Variants in CUL7 observed in about 807,000 individuals in gnomAD.
CUL7 encodes cullin-7.
In CUL7, 96 loss-of-function variants were observed where a neutral mutation model predicts 177.7. That is an observed-to-expected ratio of 0.54 (90% confidence interval 0.46 to 0.64). The LOEUF (loss-of-function observed/expected upper bound fraction) is 0.64. Among genes scored for constraint, CUL7 ranks in the 30% least tolerant of loss-of-function variants. The pLI, the probability that CUL7 is intolerant of heterozygous loss-of-function variation, is 0.00. For synonymous variants in CUL7, 824 were observed against 890.2 expected (o/e 0.93, Z 1.32); for missense variants, 1,893 against 2,187.9 (o/e 0.87, Z 2.69).
Position 43,040,558 on chromosome 6 carries a change from T to G in CUL7, c.3995A>C (p.Lys1332Thr), listed in dbSNP as rs151030955. 11 of 1,614,094 alleles carry G rather than the reference T, an allele frequency of 6.8e-6. No homozygotes were observed. The Admixed American group carries it at 1.7e-4, about 24-fold the overall frequency. ...TATTTTCTTCTCTGTATCCTCCAGC[T>G]TCAGGAGTTCCTGATCCAGCTGCTG... ...QLQQLDQELL[K>T]LEDTEKKIQV... Residue 1332 changes from lysine (K) to threonine (T), a missense_variant, in exon 21 of 26, where the codon AAG becomes ACG. Physicochemically the swap from Lys to Thr is moderately conservative, Grantham distance 78. Transcript: ENST00000265348. This position sits in a 1 kb window ranked among gnomAD's most constrained non-coding sequence, Gnocchi z 4.2.
At chr6:43,041,781 G>A (rs1419087453) in intron 19 of CUL7, among the ~76,000 whole-genome samples, 2 of 151,534 alleles carry the variant, frequency 1.3e-5, no homozygotes, top group Non-Finnish European at 3.0e-5. Flanking sequence ...TGAGGCGGGC[G>A]GATCACGAGG....
At chr6:43,042,392 T>C (rs1763516570) in intron 19 of CUL7, among the ~76,000 whole-genome samples, 1 of 152,058 alleles carries the variant, frequency 6.6e-6, no homozygotes, top group African/African-American at 2.4e-5. Flanking sequence ...TGGAGTGCAG[T>C]GGTGCAATCT....
In CUL7 at chr6:43,051,821, T is replaced by TA; in HGVS notation, c.581-59dup. On this transcript the variant is annotated intron_variant, in intron 2 of 25. Coordinates refer to ENST00000265348, the MANE Select transcript of CUL7 (RefSeq NM_014780.5). This position sits in a 1 kb window ranked among gnomAD's most constrained non-coding sequence, Gnocchi z 5.0. ...CTAATCTCACCCTTCCTAGAAATCT[T>TA]AGACCCTCTACTCTTTCAATCCAAT... The TA allele has an allele frequency of 7.6e-6, 12 of 1,586,942 alleles. No individual in the cohort carries two copies. The highest frequency in any genetic ancestry group is 1.0e-5 in the Non-Finnish European group (12 of 1,155,808).
At chr6:43,039,992 G>A (rs1763270065) in intron 22 of CUL7, among the ~76,000 whole-genome samples, 164 bp downstream of exon 22, 1 of 151,944 alleles carries the variant, frequency 6.6e-6, no homozygotes, top group Non-Finnish European at 1.5e-5. Flanking sequence ...TGCCTGCCTC[G>A]GCCTCCCAAA....
Position 43,043,343 on chromosome 6 carries a change from C to G in CUL7, c.3355+105G>C. On this transcript the variant is annotated intron_variant, in intron 17 of 25. Transcript: ENST00000265348. The surrounding 1 kb of genome is among the most constrained non-coding windows in gnomAD (Gnocchi z 4.2). ...ACCTGGAAGATGAACAGGCTGAGCC[C>G]ATAGGGAGGGGAAGGATGGGGATGG... is the stretch of plus-strand genomic sequence containing the variant. The G allele has an allele frequency of 3.1e-6, 4 of 1,285,888 alleles. No individual in the cohort carries two copies. The highest frequency in any genetic ancestry group is 4.5e-6 in the Non-Finnish European group (4 of 890,498). 79.7% of individuals were successfully genotyped at this position (1,285,888 alleles called of 1,614,324 possible). A position where few individuals can be genotyped will look rare whatever the true frequency, so the allele number is the denominator to read the frequency against.
In CUL7 at chr6:43,038,942, T is replaced by C. The variant is rs1237449803; in HGVS notation, c.4340A>G (p.Gln1447Arg). The C allele has an allele frequency of 6.2e-7, 1 of 1,613,084 alleles. No individual in the cohort carries two copies. Among genetic ancestry groups the C allele is most frequent in the African/African-American group, 1.3e-5 (1 of 74,866 alleles). The stretch of plus-strand genomic sequence containing the variant: ...CTCAGCCCAGCCCAGCCACGTCCAC[T>C]GCAGTCGCCTCTGTGAGCCTCGCTC... ...ALERGSQRRLQWTWLGWAELQ... is the reference protein window; with the variant it reads ...ALERGSQRRLRWTWLGWAELQ... Residue 1447 changes from glutamine to arginine, a missense_variant, in exon 23 of 26, where the codon CAG becomes CGG. Gln to Arg is a conservative substitution (Grantham distance 43, BLOSUM62 1). This residue lies in a region of CUL7 where 973 missense variants were observed against 1,140.9 expected (regional missense o/e 0.85). Transcript: ENST00000265348.
In CUL7 at chr6:43,050,342, G is replaced by T; in HGVS notation, c.1290C>A (p.Ile430=). The T allele has an allele frequency of 6.2e-7, 1 of 1,614,118 alleles. No homozygotes were observed. The highest frequency in any genetic ancestry group is 8.5e-7 in the Non-Finnish European group (1 of 1,180,030). The change falls in exon 5 of 26, where the codon ATC becomes ATA. Residue 430 remains isoleucine (I), a synonymous_variant. Coordinates refer to ENST00000265348, the MANE Select transcript of CUL7 (RefSeq NM_014780.5). The surrounding 1 kb of genome is among the most constrained non-coding windows in gnomAD (Gnocchi z 4.1). ...CCTCAATGTCTTCCTCAAAGCCCAA[G>T]ATCTCCAGCATGTGCCAGTGCACCC... ...TYWVHWHMLE[I]LGFEEDIEDM...
intron 16 of CUL7, 47 bp downstream of exon 16, chr6:43,044,705 G>C: frequency 1.3e-6 from 2 of 1,585,326 alleles, no homozygotes; most frequent in Non-Finnish European, 1.7e-6. Context: ...CTAATTAGTG[G>C]AACCAAGCCC....
Position 43,050,264 on chromosome 6 carries a change from AC to A in CUL7, c.1367del (p.Gly456ValfsTer12). 6.2e-7 allele frequency: 1 copy of A among 1,614,072 alleles called. No individual in the cohort carries two copies. The highest frequency in any genetic ancestry group is 8.5e-7 in the Non-Finnish European group (1 of 1,180,010). On this transcript the variant is annotated frameshift_variant, in exon 5 of 26. Coordinates refer to ENST00000265348, the MANE Select transcript of CUL7 (RefSeq NM_014780.5). LOFTEE classifies it high-confidence loss of function. This position sits in a 1 kb window ranked among gnomAD's most constrained non-coding sequence, Gnocchi z 4.1. ...TTGCTTCCTCCCTGAGCTCACCTCT[AC>A]CCAGGACTCTACTGGCCACTGCCCC... ...YQGAVASRVL[G>X]RALPAWRWRP...
At position 43,051,535 on chromosome 6, in the gene CUL7, C is replaced by T. The variant is rs1764411082; in HGVS notation, c.733-67G>A. ...TTTAAGCCCCTCTCTCCATACCATCCTCTGCAGATAGGTGCAAAGGCCTGG... is the reference window on the plus strand; with the variant it reads ...TTTAAGCCCCTCTCTCCATACCATCTTCTGCAGATAGGTGCAAAGGCCTGG... On this transcript the variant is annotated intron_variant, in intron 3 of 25. Coordinates refer to ENST00000265348, the MANE Select transcript of CUL7 (RefSeq NM_014780.5). This position sits in a 1 kb window ranked among gnomAD's most constrained non-coding sequence, Gnocchi z 5.0. 6 of 1,613,946 alleles carry T rather than the reference C, an allele frequency of 3.7e-6. No individual in the cohort carries two copies. Among genetic ancestry groups the T allele is most frequent in the Middle Eastern group, 1.6e-4 (1 of 6,062 alleles).
rs1394323004 is a variant in CUL7, at chr6:43,049,670, CAAG to C, written c.1570-11_1570-9del. 5.6e-6 allele frequency: 9 copies of C among 1,613,788 alleles called. No individual in the cohort carries two copies. The highest frequency in any genetic ancestry group is 7.6e-6 in the Non-Finnish European group (9 of 1,179,904). ...GATCTCATCATCCAGAATCTGCCAT[CAAG>C]GAGAAGCTCTCACTGCAGACAGCCC... is the stretch of plus-strand genomic sequence containing the variant. On this transcript the variant is annotated splice_polypyrimidine_tract_variant and intron_variant, in intron 6 of 25. Transcript: ENST00000265348.
In CUL7 at chr6:43,040,147, G is replaced by C; in HGVS notation, c.4294+9C>G. On this transcript the variant is annotated intron_variant, in intron 22 of 25. Coordinates refer to ENST00000265348, the MANE Select transcript of CUL7 (RefSeq NM_014780.5). The surrounding 1 kb of genome is among the most constrained non-coding windows in gnomAD (Gnocchi z 4.2). ...CCCCAGTCCCCAGTCCCTCTGCCTG[G>C]CTGCTCACTCTTGTTGTAGAAGTTG... 6.2e-7 allele frequency: 1 copy of C among 1,614,100 alleles called. No individual in the cohort carries two copies.
rs1439113794 is a variant in CUL7, at chr6:43,043,542, T to G, written c.3261A>C (p.Pro1087=). 3 of 1,613,294 alleles carry G rather than the reference T, an allele frequency of 1.9e-6. No individual in the cohort carries two copies. Among genetic ancestry groups the G allele is most frequent in the South Asian group, 1.1e-5 (1 of 90,996 alleles). The part of the protein sequence containing the change: ...EAVFNPQSRG[P]AFFSRVRRLT... The stretch of plus-strand genomic sequence containing the variant: ...GACGGCGCACCCGCGAGAAGAAAGC[T>G]GGGCCGCGGCTCTGGGGGTTGAAGA... Residue 1087 remains proline, a synonymous_variant, in exon 17 of 26, where the codon CCA becomes CCC. Transcript: ENST00000265348. This position sits in a 1 kb window ranked among gnomAD's most constrained non-coding sequence, Gnocchi z 4.2.
chr6:43,042,033 AAGAAAGAGAGAAGGAAAGAAAG>A (rs966594238), intron 19 of CUL7, among the ~76,000 whole-genome samples: 3 of 148,556 alleles, frequency 2.0e-5, no homozygotes, highest in African/African-American at 7.3e-5. Flanking sequence ...AGGAAGAAGA[AAGAAAGAGAGAAGGAAAGAAAG>A]AGAAAGAGAG....
In CUL7 at chr6:43,052,905, TG is replaced by T; in HGVS notation, c.-8-110del. ...AAATGGCAACAGCTGTCAGGCGGGG[TG>T]GGGTAAAGCCAGGCCCAGGAGTTGC... On this transcript the variant is annotated intron_variant, in intron 1 of 25. Coordinates refer to ENST00000265348, the MANE Select transcript of CUL7 (RefSeq NM_014780.5). The surrounding 1 kb of genome is among the most constrained non-coding windows in gnomAD (Gnocchi z 4.5). 8.2e-7 allele frequency: 1 copy of T among 1,214,866 alleles called. No homozygotes were observed. The highest frequency in any genetic ancestry group is 1.2e-6 in the Non-Finnish European group (1 of 856,758). 75.3% of individuals were successfully genotyped at this position (1,214,866 alleles called of 1,614,324 possible). A position where few individuals can be genotyped will look rare whatever the true frequency, so the allele number is the denominator to read the frequency against.
At position 43,051,677 on chromosome 6, in the gene CUL7, C is replaced by A. The variant is rs1764424585; in HGVS notation, c.667G>T (p.Ala223Ser). Residue 223 changes from alanine (A) to serine (S), a missense_variant, in exon 3 of 26, where the codon GCA becomes TCA. This residue lies in a region of CUL7 where 653 missense variants were observed against 725.2 expected (regional missense o/e 0.90). Transcript: ENST00000265348. This position sits in a 1 kb window ranked among gnomAD's most constrained non-coding sequence, Gnocchi z 5.0. Reference sequence around the variant, plus strand: ...GAGAGCGTGGCCTGTGCAAACAGTGCTAGCAGAGCACAGCGGCTGTCAAAA... The same window carrying A: ...GAGAGCGTGGCCTGTGCAAACAGTGATAGCAGAGCACAGCGGCTGTCAAAA... The part of the protein sequence containing the change: ...LDFDSRCALL[A>S]LFAQATLSEH... 26 of 1,614,220 alleles carry A rather than the reference C, an allele frequency of 1.6e-5. No individual in the cohort carries two copies. Among genetic ancestry groups the A allele is most frequent in the Non-Finnish European group, 2.1e-5 (25 of 1,180,032 alleles).
chr6:43,044,950 C>A, intron 15 of CUL7, 65 bp from the exon 16 acceptor site: 1 of 1,591,624 alleles, frequency 6.3e-7, no homozygotes, highest in Non-Finnish European at 8.6e-7. Flanking sequence ...CAGTGTCCAC[C>A]CTTCCTAAGA....
rs1441557300 is a variant in CUL7, at chr6:43,051,030, C to T, written c.1171G>A (p.Glu391Lys). 1 of 1,598,678 alleles carries T rather than the reference C, an allele frequency of 6.3e-7. No individual in the cohort carries two copies. The highest frequency in any genetic ancestry group is 1.1e-5 in the South Asian group (1 of 90,838). The change falls in exon 4 of 26, where the codon GAG becomes AAG. Residue 391 changes from glutamate to lysine, a missense_variant. Physicochemically the swap from Glu to Lys is moderately conservative, Grantham distance 56. This residue lies in a region of CUL7 where 653 missense variants were observed against 725.2 expected (regional missense o/e 0.90). Coordinates refer to ENST00000265348, the MANE Select transcript of CUL7 (RefSeq NM_014780.5). The surrounding 1 kb of genome is among the most constrained non-coding windows in gnomAD (Gnocchi z 5.0). ...TCGCCCTCATCCCCGGCACTGATCT[C>T]CTCATAATCATCCAGCATCCGCACT... ...MRVRMLDDYE[E>K]ISAGDEGEFR...
intron 7 of CUL7, 40 bp from the exon 8 acceptor site, chr6:43,048,609 G>T: frequency 7.6e-7 from 1 of 1,318,630 alleles, no homozygotes; most frequent in Non-Finnish European, 1.1e-6. Context: ...GCCATTGTTA[G>T]TAATGTGAAG....
Sources: allele counts gnomAD v4.1 joint callset (sites outside exome capture counted in the v4.1 genomes callset), GRCh38; gene constraint gnomAD v4.1.1; regional missense constraint gnomAD v4.1.1; non-coding constraint Gnocchi (gnomAD v3.1); transcripts MANE v1.5; gene names NCBI Gene and HGNC (gene_info 2026-07-23, HGNC 2026-07-21).